The following DNMT1 variants were observed in gnomAD, a reference collection of about 807,000 sequenced individuals.
The protein encoded by DNMT1 is DNA (cytosine-5)-methyltransferase 1.
In DNMT1, 24 loss-of-function variants were observed where a neutral mutation model predicts 205.3. That is an observed-to-expected ratio of 0.12 (90% confidence interval 0.08 to 0.16). DNMT1 has a LOEUF of 0.16. DNMT1 is among the 10% of genes least tolerant of loss of function. DNMT1 has a pLI of 1.00. For synonymous variants in DNMT1, 817 were observed against 839.8 expected, an observed-to-expected ratio of 0.97 and a Z score of 0.47; for missense variants, 1,293 against 2,177.7, an observed-to-expected ratio of 0.59 and a Z score of 8.09.
chr19:10,172,095 G>T (rs1285524565), intron 9 of DNMT1, among the ~76,000 whole-genome samples: 2 of 151,940 alleles, frequency 1.3e-5, no homozygotes, highest in Admixed American at 1.3e-4. Flanking sequence ...CACCTTCCAT[G>T]TAGAGAACTA....
In DNMT1 at chr19:10,154,196, G is replaced by A; in HGVS notation, c.2019+97C>T. 1.5e-6 allele frequency: 2 copies of A among 1,298,682 alleles called. No homozygotes were observed. The highest frequency in any genetic ancestry group is 2.2e-6 in the Non-Finnish European group (2 of 900,508). The allele number at this position is 1,298,682 out of a possible 1,614,324, so 80.4% of individuals were successfully genotyped here. The stretch of plus-strand genomic sequence containing the variant: ...CTCAGGGGTCACATTTGAGCAGCCA[G>A]AGTCTCAAGCCACAGAGAGAAAGAT... On this transcript the variant is annotated intron_variant, in intron 22 of 40. Coordinates refer to ENST00000359526, the MANE Select transcript of DNMT1 (RefSeq NM_001130823.3). The surrounding 1 kb of genome is among the most constrained non-coding windows in gnomAD (Gnocchi z 6.3).
At chr19:10,145,613 C>T (rs2038181209) in intron 28 of DNMT1, among the ~76,000 whole-genome samples, 1 of 152,198 alleles carries the variant, frequency 6.6e-6, no homozygotes, top group Non-Finnish European at 1.5e-5. Context: ...ATGTGATTCC[C>T]TCTAACCAAG....
At position 10,137,671 on chromosome 19, in the gene DNMT1, C is replaced by A. The variant is rs544678061; in HGVS notation, c.4293+161G>T. 20 of 1,037,478 alleles carry A rather than the reference C, an allele frequency of 1.9e-5. No individual in the cohort carries two copies. In the East Asian group the frequency reaches 3.1e-4, roughly 16 times the overall value. 64.3% of individuals were successfully genotyped at this position (1,037,478 alleles called of 1,614,324 possible). On this transcript the variant is annotated intron_variant, in intron 36 of 40. Coordinates refer to ENST00000359526, the MANE Select transcript of DNMT1 (RefSeq NM_001130823.3). The surrounding 1 kb of genome is among the most constrained non-coding windows in gnomAD (Gnocchi z 6.4). The stretch of plus-strand genomic sequence containing the variant: ...GCGGGAGCTCTGACACTTCCCATGA[C>A]CATGCAAGAGAGACCAGGGGTCACA...
chr19:10,169,285 G>A (rs368448107), intron 9 of DNMT1, among the ~76,000 whole-genome samples: 95 of 149,498 alleles, frequency 6.4e-4, no homozygotes, highest in African/African-American at 2.2e-3. Flanking sequence ...GCTCACTACT[G>A]TAATCCCAGC....
In DNMT1 at chr19:10,140,638, G is replaced by A; in HGVS notation, c.3523+143C>T. On this transcript the variant is annotated intron_variant, in intron 32 of 40. Coordinates refer to ENST00000359526, the MANE Select transcript of DNMT1 (RefSeq NM_001130823.3). The surrounding 1 kb of genome is among the most constrained non-coding windows in gnomAD (Gnocchi z 8.4). Reference sequence around the variant, plus strand: ...CCACCTCGGCCTCCCAAAGTGCTGGGATTACAGGCGTGCGCCACCGTGCCT... The same window carrying A: ...CCACCTCGGCCTCCCAAAGTGCTGGAATTACAGGCGTGCGCCACCGTGCCT... The A allele has an allele frequency of 4.8e-6, 7 of 1,464,084 alleles. No individual in the cohort carries two copies. The highest frequency in any genetic ancestry group is 6.6e-6 in the Non-Finnish European group (7 of 1,055,732). 90.7% of individuals were successfully genotyped at this position (1,464,084 alleles called of 1,614,324 possible).
At position 10,149,025 on chromosome 19, in the gene DNMT1, G is replaced by A. The variant is rs185604618; in HGVS notation, c.2587-8C>T. 1 of 1,613,924 alleles carries A rather than the reference G, an allele frequency of 6.2e-7. No homozygotes were observed. Among genetic ancestry groups the A allele is most frequent in the East Asian group, 2.2e-5 (1 of 44,880 alleles). ...CTCGGGATCCATGCCTCCCTTGGGA[G>A]ATAAGAATGCGTGTCAGGCCAGGCG... On this transcript the variant is annotated splice_polypyrimidine_tract_variant and splice_region_variant and intron_variant, in intron 26 of 40. Coordinates refer to ENST00000359526, the MANE Select transcript of DNMT1 (RefSeq NM_001130823.3).
intron 9 of DNMT1, among the ~76,000 whole-genome samples, chr19:10,168,835 T>A (rs1000724872): frequency 2.6e-5 from 4 of 152,104 alleles, no homozygotes; most frequent in Non-Finnish European, 4.4e-5. Context: ...TGAGACTGCA[T>A]TTATTCATTT....
chr19:10,142,249 C>G (rs374450653), intron 29 of DNMT1, 29 bp from the exon 30 acceptor site: 2 of 1,613,590 alleles, frequency 1.2e-6, no homozygotes, highest in Non-Finnish European at 8.5e-7. Context: ...TCGTTAGGAG[C>G]TCTCCTTTGT....
intron 4 of DNMT1, 48 bp downstream of exon 4, chr19:10,180,302 A>T: frequency 6.3e-7 from 1 of 1,596,422 alleles, no homozygotes; most frequent in Non-Finnish European, 8.5e-7. Context: ...ACACAGTGAG[A>T]CTCCATCTCA....
At chr19:10,139,127 G>A (rs2089552338) in intron 34 of DNMT1, among the ~76,000 whole-genome samples, 3 of 152,196 alleles carry the variant, frequency 2.0e-5, no homozygotes, top group Admixed American at 2.0e-4. Context: ...AGCTGATACA[G>A]AGAGGATGGG....
chr19:10,160,056 T>C lies in DNMT1; in HGVS notation c.1051A>G (p.Lys351Glu), dbSNP rs749001465. The stretch of plus-strand genomic sequence containing the variant: ...ACTGTTTTGGCGCGAGCCATTTTTT[T>C]CTCCGTTCTGGGGGAAAAAAAAAAA... Reference protein sequence around the residue: ...RKTTPKEPTEKKMARAKTVMN... With the variant: ...RKTTPKEPTEEKMARAKTVMN... The change falls in exon 15 of 41, where the codon AAA (lysine) becomes GAA (glutamate). Residue 351 changes from lysine (K) to glutamate (E), a missense_variant. This residue lies in a region of DNMT1 where 394 missense variants were observed against 451.6 expected (regional missense o/e 0.87). Coordinates refer to ENST00000359526, the MANE Select transcript of DNMT1 (RefSeq NM_001130823.3). 1.3e-6 allele frequency: 2 copies of C among 1,565,360 alleles called. No homozygotes were observed. The highest frequency in any genetic ancestry group is 1.8e-5 in the Admixed American group (1 of 55,468).
In DNMT1 at chr19:10,142,151, G is replaced by C; in HGVS notation, c.3186C>G (p.Asp1062Glu). The C allele has an allele frequency of 2.5e-6, 4 of 1,614,056 alleles. No individual in the cohort carries two copies. Among genetic ancestry groups the C allele is most frequent in the Non-Finnish European group, 3.4e-6 (4 of 1,180,034 alleles). Reference protein sequence around the residue: ...HADINLLYWSDEEAVVDFKAV... With the variant: ...HADINLLYWSEEEAVVDFKAV... ...CCTTGAAGTCCACCACGGCCTCCTC[G>C]TCGCTCCAGTAGAGCAGGTTGATGT... Residue 1062 changes from aspartate (D) to glutamate (E), a missense_variant, in exon 30 of 41, where the codon GAC becomes GAG. By Grantham distance (45) the Asp-to-Glu change is conservative (BLOSUM62 2). This residue lies in a region of DNMT1 where 167 missense variants were observed against 258.1 expected (regional missense o/e 0.65). Transcript: ENST00000359526.
intron 1 of DNMT1, among the ~76,000 whole-genome samples, chr19:10,188,760 C>G (rs973831290): frequency 6.6e-6 from 1 of 152,036 alleles, no homozygotes; most frequent in African/African-American, 2.4e-5. Context: ...CGTTGGAGGA[C>G]GGGTCAGAGA....
chr19:10,149,842 A>C lies in DNMT1; in HGVS notation c.2381+11T>G. ...TGCATGCAGAAGTCAAGCAAAAAGAAAGATGCAAACCTTGCTAGATACAGC... is the reference window on the plus strand; with the variant it reads ...TGCATGCAGAAGTCAAGCAAAAAGACAGATGCAAACCTTGCTAGATACAGC... On this transcript the variant is annotated intron_variant, in intron 25 of 40. Transcript: ENST00000359526. The C allele has an allele frequency of 6.2e-7, 1 of 1,614,074 alleles. No homozygotes were observed. Among genetic ancestry groups the C allele is most frequent in the Non-Finnish European group, 8.5e-7 (1 of 1,179,912 alleles).
At chr19:10,175,847 T>C (rs543394966) in intron 6 of DNMT1, among the ~76,000 whole-genome samples, 17 of 152,328 alleles carry the variant, frequency 1.1e-4, no homozygotes, top group African/African-American at 4.1e-4. Context: ...CACACCTTTC[T>C]GATGGAGGGA....
At chr19:10,171,647 T>C (rs1188303546) in intron 9 of DNMT1, among the ~76,000 whole-genome samples, 1 of 151,722 alleles carries the variant, frequency 6.6e-6, no homozygotes, top group African/African-American at 2.4e-5. Flanking sequence ...CTACTAAAAA[T>C]ACAAAAAATT....
At position 10,166,633 on chromosome 19, in the gene DNMT1, C is replaced by T. The variant is rs368960099; in HGVS notation, c.856G>A (p.Val286Met). 27 of 1,614,096 alleles carry T rather than the reference C, an allele frequency of 1.7e-5. No homozygotes were observed. The African/African-American group carries it at 2.3e-4, about 14-fold the overall frequency. Residue 286 changes from valine (V) to methionine (M), a missense_variant, in exon 11 of 41, where the codon GTG (valine) becomes ATG (methionine). By Grantham distance (21) the Val-to-Met change is conservative. Coordinates refer to ENST00000359526, the MANE Select transcript of DNMT1 (RefSeq NM_001130823.3). ...CCATCTTCGTCCTCGTCAGCCTGCA[C>T]GCCTGCCCTGGCTTCTCTGTCCGGC... is the stretch of plus-strand genomic sequence containing the variant. ...EEPDREARAG[V>M]QADEDEDGDE...
At position 10,154,908 on chromosome 19, in the gene DNMT1, G is replaced by A. The variant is rs1239751171; in HGVS notation, c.1641C>T (p.Ile547=). ...CTGAGGACCCTCGATCTCTTACCTC[G>A]ATCTTGTTGATCAGGTCCTCATAGG... The part of the protein sequence containing the change: ...DSTYEDLINK[I]ETTVPPSGLN... Residue 547 remains isoleucine, a synonymous_variant, in exon 20 of 41, where the codon ATC becomes ATT. Coordinates refer to ENST00000359526, the MANE Select transcript of DNMT1 (RefSeq NM_001130823.3). This position sits in a 1 kb window ranked among gnomAD's most constrained non-coding sequence, Gnocchi z 6.3. 3.7e-6 allele frequency: 6 copies of A among 1,614,142 alleles called. No individual in the cohort carries two copies. Among genetic ancestry groups the A allele is most frequent in the East Asian group, 2.2e-5 (1 of 44,880 alleles).
Position 10,154,497 on chromosome 19 carries a change from G to A in DNMT1, c.1833-18C>T. 1 of 1,614,186 alleles carries A rather than the reference G, an allele frequency of 6.2e-7. No individual in the cohort carries two copies. Among genetic ancestry groups the A allele is most frequent in the Non-Finnish European group, 8.5e-7 (1 of 1,180,044 alleles). On this transcript the variant is annotated intron_variant, in intron 21 of 40. Transcript: ENST00000359526. This position sits in a 1 kb window ranked among gnomAD's most constrained non-coding sequence, Gnocchi z 6.3. Reference sequence around the variant, plus strand: ...GGGCTCGCCTACGGGAGAGGTTCCAGCATCTCAGAGGACTGGGACAGAGGA... The same window carrying A: ...GGGCTCGCCTACGGGAGAGGTTCCAACATCTCAGAGGACTGGGACAGAGGA...
Sources: allele counts gnomAD v4.1 joint callset (sites outside exome capture counted in the v4.1 genomes callset), GRCh38; gene constraint gnomAD v4.1.1; regional missense constraint gnomAD v4.1.1; non-coding constraint Gnocchi (gnomAD v3.1); transcripts MANE v1.5; gene names NCBI Gene and HGNC (gene_info 2026-07-23, HGNC 2026-07-21).